DENND1B: variants seen among roughly 807,000 people sequenced by gnomAD.
The protein encoded by DENND1B is DENN domain-containing protein 1B.
Under a neutral mutation model 90.1 loss-of-function variants are expected in DENND1B, and 59 were observed. The observed-to-expected ratio is 0.65, with a 90% CI of 0.53 to 0.81. The LOEUF is 0.81. DENND1B is among the 40% of genes least tolerant of loss of function. DENND1B has a pLI of 0.00. For missense variants in DENND1B, 862 were observed against 912.6 expected, an observed-to-expected ratio of 0.94 and a Z score of 0.71; for synonymous variants, 337 against 324.6, an observed-to-expected ratio of 1.04 and a Z score of -0.41.
intron 11 of DENND1B, among the ~76,000 whole-genome samples, chr1:197,614,104 T>C (rs1332333198): frequency 1.3e-5 from 2 of 150,556 alleles, no homozygotes; most frequent in African/African-American, 2.4e-5. Context: ...TTATGGAAGA[T>C]ATACTTATCT....
intron 2 of DENND1B, among the ~76,000 whole-genome samples, chr1:197,740,831 G>A (rs76312929): frequency 0.041 from 6,191 of 152,202 alleles, 193 homozygotes; most frequent in Non-Finnish European, 0.06. Flanking sequence ...ACAAGCTGAA[G>A]AAAAGACTAT....
chr1:197,750,776 A>G (rs1020809646), intron 2 of DENND1B, among the ~76,000 whole-genome samples: 1 of 152,212 alleles, frequency 6.6e-6, no homozygotes, highest in Non-Finnish European at 1.5e-5. Context: ...TAAAGAAACA[A>G]CCTTTTGAAC....
Position 197,698,500 on chromosome 1 carries a change from A to G in DENND1B, c.126+16531T>C, listed in dbSNP as rs116090924. ...TTGATGCCCTAACATCACAATTAAA[A>G]GAGCTAGAGAAGCAAGATCAAACTA... On this transcript the variant is annotated intron_variant, in intron 3 of 22. Coordinates refer to ENST00000620048, the MANE Select transcript of DENND1B (RefSeq NM_001195215.2). Among the ~76,000 whole-genome samples, 171 of 152,254 alleles carry G rather than the reference A, an allele frequency of 1.1e-3. 1 individual carries two copies. Among genetic ancestry groups the G allele is most frequent in the Non-Finnish European group, 1.6e-3 (110 of 68,010 alleles).
intron 12 of DENND1B, among the ~76,000 whole-genome samples, chr1:197,608,092 G>C (rs1001542490): frequency 6.6e-6 from 1 of 150,506 alleles, no homozygotes; most frequent in Non-Finnish European, 1.5e-5. Flanking sequence ...TTAAGTGGTG[G>C]TCTACAATAA....
rs1660990814 is a variant in DENND1B, at chr1:197,719,836, A to G, written c.83-4762T>C. The stretch of plus-strand genomic sequence containing the variant: ...CCATTAATATTATATATTATACCAA[A>G]TGATACAAATGTATTTTAAAACAGC... On this transcript the variant is annotated intron_variant, in intron 2 of 22. Transcript: ENST00000620048. Among the ~76,000 whole-genome samples the G allele has an allele frequency of 2.0e-5, 3 of 152,228 alleles. No homozygotes were observed. In the South Asian group the frequency reaches 6.2e-4, roughly 31 times the overall value.
At chr1:197,564,797 T>C (rs931833525) in intron 15 of DENND1B, among the ~76,000 whole-genome samples, 13 of 152,120 alleles carry the variant, frequency 8.5e-5, no homozygotes, top group African/African-American at 2.9e-4. Flanking sequence ...AGAATATGCA[T>C]GTTTAACAGG....
intron 15 of DENND1B, among the ~76,000 whole-genome samples, chr1:197,554,577 C>T (rs142407155): frequency 0.019 from 2,902 of 152,008 alleles, 89 homozygotes; most frequent in African/African-American, 0.064. Context: ...TGGTGGCTCA[C>T]GCCTGTAATA....
intron 10 of DENND1B, among the ~76,000 whole-genome samples, chr1:197,625,133 G>A (rs1340402939): frequency 1.3e-5 from 2 of 151,966 alleles, no homozygotes; most frequent in East Asian, 3.9e-4. Context: ...AGCAAGGCAG[G>A]CCAACATTCA....
chr1:197,569,571 C>T (rs1672976325), intron 15 of DENND1B, among the ~76,000 whole-genome samples: 1 of 145,484 alleles, frequency 6.9e-6, no homozygotes, highest in Non-Finnish European at 1.5e-5. Flanking sequence ...TATACACACA[C>T]ACACACACAC....
intron 11 of DENND1B, among the ~76,000 whole-genome samples, chr1:197,615,276 C>T (rs1458580583): frequency 6.6e-6 from 1 of 151,064 alleles, no homozygotes; most frequent in East Asian, 1.9e-4. Context: ...GTTTAATGAA[C>T]AAGTGAATGG....
At chr1:197,554,985 A>T (rs539997438) in intron 15 of DENND1B, among the ~76,000 whole-genome samples, 3 of 152,186 alleles carry the variant, frequency 2.0e-5, no homozygotes, top group African/African-American at 4.8e-5. Context: ...AATGTGCTTT[A>T]CCCAGACCAA....
chr1:197,760,343 G>A (rs1377507918), intron 2 of DENND1B, among the ~76,000 whole-genome samples: 1 of 152,044 alleles, frequency 6.6e-6, no homozygotes, highest in Non-Finnish European at 1.5e-5. Flanking sequence ...GACAATTACT[G>A]AGAGAAATGA....
intron 3 of DENND1B, among the ~76,000 whole-genome samples, chr1:197,714,268 C>A (rs1215067414): frequency 6.6e-6 from 1 of 151,854 alleles, no homozygotes; most frequent in East Asian, 1.9e-4. Flanking sequence ...CCACTGTACC[C>A]AGCCTTATCA....
intron 3 of DENND1B, among the ~76,000 whole-genome samples, chr1:197,685,480 T>A (rs1657137487): frequency 6.6e-6 from 1 of 152,154 alleles, no homozygotes; most frequent in Non-Finnish European, 1.5e-5. Context: ...AAAATAAAAT[T>A]ATATTCAGGT....
At chr1:197,656,137 AAG>A (rs1653798709) in intron 6 of DENND1B, among the ~76,000 whole-genome samples, 1 of 152,154 alleles carries the variant, frequency 6.6e-6, no homozygotes, top group East Asian at 1.9e-4. Context: ...TTGAAGAGAA[AAG>A]AGTCTTCAAG....
In DENND1B at chr1:197,656,369, T is replaced by C. The variant is rs541246099; in HGVS notation, c.366+1931A>G. Reference sequence around the variant, plus strand: ...ATGTCAAGAGTGACAGAGTACCAAATAAGAATTTAAACAGATAACCAGAGA... The same window carrying C: ...ATGTCAAGAGTGACAGAGTACCAAACAAGAATTTAAACAGATAACCAGAGA... On this transcript the variant is annotated intron_variant, in intron 6 of 22. Coordinates refer to ENST00000620048, the MANE Select transcript of DENND1B (RefSeq NM_001195215.2). Among the ~76,000 whole-genome samples the C allele has an allele frequency of 3.9e-5, 6 of 152,056 alleles. No individual in the cohort carries two copies. In the South Asian group the frequency reaches 8.3e-4, roughly 21 times the overall value.
intron 3 of DENND1B, among the ~76,000 whole-genome samples, chr1:197,680,304 T>A (rs1241916158): frequency 6.6e-6 from 1 of 152,206 alleles, no homozygotes; most frequent in African/African-American, 2.4e-5. Context: ...CATTCACTCC[T>A]ATACTAACTA....
intron 9 of DENND1B, among the ~76,000 whole-genome samples, chr1:197,643,690 C>T (rs770193245): frequency 7.2e-5 from 11 of 152,096 alleles, no homozygotes; most frequent in Non-Finnish European, 1.5e-4. Flanking sequence ...CTTCATGTCA[C>T]GCTTGCTTTA....
In DENND1B at chr1:197,512,963, G is replaced by C; in HGVS notation, c.1516-10C>G. ...GCCTTTTTAAGCGTGCCTGGAGAGA[G>C]AGATTGACAATAAATTGGCATTAGC... On this transcript the variant is annotated splice_polypyrimidine_tract_variant and intron_variant, in intron 20 of 22. Coordinates refer to ENST00000620048, the MANE Select transcript of DENND1B (RefSeq NM_001195215.2). 2 of 1,601,062 alleles carry C rather than the reference G, an allele frequency of 1.2e-6. No individual in the cohort carries two copies. The highest frequency in any genetic ancestry group is 1.1e-5 in the South Asian group (1 of 88,966).
Sources: allele counts gnomAD v4.1 joint callset (sites outside exome capture counted in the v4.1 genomes callset), GRCh38; gene constraint gnomAD v4.1.1; transcripts MANE v1.5; gene names NCBI Gene and HGNC (gene_info 2026-07-23, HGNC 2026-07-21).